GNA14: variants seen among roughly 807,000 people sequenced by gnomAD.
The protein encoded by GNA14 is guanine nucleotide-binding protein subunit alpha-14.
A neutral mutation model predicts 42.0 loss-of-function variants in GNA14; 50 were observed. The observed-to-expected ratio is 1.19, with a 90% CI of 0.95 to 1.51. The LOEUF is 1.51. Among genes scored for constraint, GNA14 ranks in the 40% most tolerant of loss-of-function variants. The pLI is 0.00. For synonymous variants in GNA14, 173 were observed against 163.1 expected (o/e 1.06, Z -0.46); for missense variants, 473 against 446.2 (o/e 1.06, Z -0.54).
chr9:77,437,944 A>C (rs1835665982), intron 2 of GNA14, among the ~76,000 whole-genome samples: 1 of 152,226 alleles, frequency 6.6e-6, no homozygotes, highest in Non-Finnish European at 1.5e-5. Context: ...GCCATGGATA[A>C]ACCCAGCCTT....
intron 2 of GNA14, among the ~76,000 whole-genome samples, chr9:77,440,295 C>T (rs531913312): frequency 1.3e-5 from 2 of 152,216 alleles, no homozygotes; most frequent in Non-Finnish European, 2.9e-5. Context: ...ACGCAGGGAT[C>T]CGTGGCTGCC....
At chr9:77,461,154 G>A (rs76441120) in intron 2 of GNA14, among the ~76,000 whole-genome samples, 2,219 of 152,268 alleles carry the variant, frequency 0.015, 25 homozygotes, top group South Asian at 0.029. Context: ...AGGCCCCCGC[G>A]GAGGGCTGCA....
At chr9:77,431,481 C>A in intron 3 of GNA14, 32 bp from the exon 4 acceptor site, 1 of 1,578,958 alleles carries the variant, frequency 6.3e-7, no homozygotes, top group Non-Finnish European at 8.7e-7. Context: ...ACTGACTCTC[C>A]TTTTAGAGCA....
At chr9:77,474,647 A>G (rs1464081457) in intron 2 of GNA14, among the ~76,000 whole-genome samples, 2 of 152,224 alleles carry the variant, frequency 1.3e-5, no homozygotes, top group Non-Finnish European at 2.9e-5. Flanking sequence ...ACTCCTAGGC[A>G]TATACCCAAG....
intron 1 of GNA14, among the ~76,000 whole-genome samples, chr9:77,591,022 A>C (rs1303250496): frequency 6.6e-6 from 1 of 152,214 alleles, no homozygotes; most frequent in Non-Finnish European, 1.5e-5. Flanking sequence ...CACAACCTTG[A>C]AAGACTCGGC....
In GNA14 at chr9:77,458,526, A is replaced by C. The variant is rs199558572; in HGVS notation, c.310-24004T>G. Among the ~76,000 whole-genome samples the C allele has an allele frequency of 1.6e-4, 25 of 152,288 alleles. No homozygotes were observed. In the East Asian group the frequency reaches 4.8e-3, roughly 29 times the overall value. On this transcript the variant is annotated intron_variant, in intron 2 of 6. Transcript: ENST00000341700. ...AGCCCAGATATCAAAGTCTCATCAGAATATGGTTGCCAAATAAAAATACAG... is the reference window on the plus strand; with the variant it reads ...AGCCCAGATATCAAAGTCTCATCAGCATATGGTTGCCAAATAAAAATACAG...
chr9:77,497,018 A>G (rs1342793857), intron 2 of GNA14, among the ~76,000 whole-genome samples: 1 of 152,132 alleles, frequency 6.6e-6, no homozygotes, highest in Non-Finnish European at 1.5e-5. Context: ...CTCCAGAGGT[A>G]ATGTAATCAC....
At chr9:77,595,879 AT>A (rs935959166) in intron 1 of GNA14, among the ~76,000 whole-genome samples, 7 of 151,972 alleles carry the variant, frequency 4.6e-5, no homozygotes, top group Non-Finnish European at 7.4e-5. Flanking sequence ...GACTGGGCTA[AT>A]TTTTTTTAAA....
chr9:77,514,887 A>C (rs1299041387), intron 2 of GNA14, among the ~76,000 whole-genome samples: 1 of 152,218 alleles, frequency 6.6e-6, no homozygotes, highest in Admixed American at 6.5e-5. Context: ...TGCTGGGATT[A>C]CAGGCATGAG....
At position 77,423,840 on chromosome 9, in the gene GNA14, A is replaced by G. The variant is rs1835411435; in HGVS notation, c.*139T>C. ...AAATATCTTCCAAGTTCCATCACCC[A>G]TCTCTGTCCCCACGATCTACATGAC... is the stretch of plus-strand genomic sequence containing the variant. On this transcript the variant is annotated 3_prime_UTR_variant, in exon 7 of 7. Transcript: ENST00000341700. 4.3e-6 allele frequency: 2 copies of G among 460,408 alleles called. No individual in the cohort carries two copies. Among genetic ancestry groups the G allele is most frequent in the Middle Eastern group, 5.4e-4 (1 of 1,848 alleles). The allele number at this position is 460,408 out of a possible 1,614,324, so 28.5% of individuals were successfully genotyped here. A position where few individuals can be genotyped will look rare whatever the true frequency, so the allele number is the denominator to read the frequency against.
At chr9:77,647,577 G>A in intron 1 of GNA14, 93 bp downstream of exon 1, 4 of 1,411,582 alleles carry the variant, frequency 2.8e-6, no homozygotes, top group Non-Finnish European at 3.8e-6. Flanking sequence ...GCACCCCGCT[G>A]GGCTCCAGGG....
rs184023808 is a variant in GNA14, at chr9:77,558,143, T to G, written c.125-28890A>C. 4.4e-3 allele frequency among the ~76,000 whole-genome samples: 677 copies of G among 152,294 alleles called. 9 individuals are homozygous for G. Among genetic ancestry groups the G allele is most frequent in the African/African-American group, 0.015 (644 of 41,566 alleles). ...ATTTAAATATAGATCAGAAAATATA[T>G]AATGGAAATGTTATTAATATTCTTA... On this transcript the variant is annotated intron_variant, in intron 1 of 6. Coordinates refer to ENST00000341700, the MANE Select transcript of GNA14 (RefSeq NM_004297.4).
chr9:77,515,488 G>A (rs1020336143), intron 2 of GNA14, among the ~76,000 whole-genome samples: 1 of 152,188 alleles, frequency 6.6e-6, no homozygotes, highest in Non-Finnish European at 1.5e-5. Flanking sequence ...GTAAAAGAGA[G>A]GCTGTTGATC....
chr9:77,478,932 T>C (rs1195585988), intron 2 of GNA14, among the ~76,000 whole-genome samples: 2 of 152,240 alleles, frequency 1.3e-5, no homozygotes, highest in Non-Finnish European at 2.9e-5. Context: ...TATTAGCCCT[T>C]TGTCAGATGA....
intron 2 of GNA14, among the ~76,000 whole-genome samples, chr9:77,504,548 A>AAGAGAGAG (rs10559406): frequency 6.9e-6 from 1 of 145,036 alleles, no homozygotes; most frequent in Admixed American, 6.8e-5. Flanking sequence ...AAAAAAAAAA[A>AAGAGAGAG]AGAGAGAGAG....
chr9:77,560,322 T>C (rs1018420185), intron 1 of GNA14, among the ~76,000 whole-genome samples: 2 of 144,408 alleles, frequency 1.4e-5, no homozygotes, highest in Admixed American at 1.4e-4. Flanking sequence ...GGAGTCTTAC[T>C]CTGTCACCAA....
At chr9:77,445,668 G>T (rs1036376585) in intron 2 of GNA14, among the ~76,000 whole-genome samples, 2 of 152,098 alleles carry the variant, frequency 1.3e-5, no homozygotes, top group Admixed American at 6.6e-5. Flanking sequence ...CTTGAACCTA[G>T]GAGTCGGAGG....
intron 1 of GNA14, among the ~76,000 whole-genome samples, chr9:77,576,799 A>G (rs2131799307): frequency 6.6e-6 from 1 of 152,006 alleles, no homozygotes; most frequent in South Asian, 2.1e-4. Context: ...AAAAAAAAAA[A>G]GAATGCTATA....
intron 2 of GNA14, among the ~76,000 whole-genome samples, chr9:77,458,590 G>A (rs1587773247): frequency 6.6e-6 from 1 of 152,070 alleles, no homozygotes. Context: ...AACAACAAAC[G>A]CTTTTTTAGT....
Sources: gnomAD v4.1 joint callset for allele counts (sites outside exome capture counted in the v4.1 genomes callset) on GRCh38, gnomAD v4.1.1 for gene constraint, MANE v1.5 for transcripts, NCBI Gene and HGNC (gene_info 2026-07-23, HGNC 2026-07-21) for gene names.